The following AGPAT4 variants were observed in gnomAD, a reference collection of about 807,000 sequenced individuals.
The protein encoded by AGPAT4 is 1-acyl-sn-glycerol-3-phosphate acyltransferase delta.
In AGPAT4, 15 loss-of-function variants were observed where a neutral mutation model predicts 48.0. That is an observed-to-expected ratio of 0.31 (90% confidence interval 0.21 to 0.48). The LOEUF (loss-of-function observed/expected upper bound fraction) is 0.48, where lower values mean the gene tolerates loss of function less well. Among genes scored for constraint, AGPAT4 ranks in the 20% least tolerant of loss-of-function variants. The probability of loss-of-function intolerance (pLI) is 0.99; values close to 1 mark genes in which losing one functional copy is unlikely to be tolerated. For missense variants in AGPAT4, 314 were observed against 482.5 expected, an observed-to-expected ratio of 0.65 and a Z score of 3.27; for synonymous variants, 178 against 198.7, an observed-to-expected ratio of 0.90 and a Z score of 0.88.
rs944761157 is a variant in AGPAT4, at chr6:161,217,174, G to C, written c.178+14862C>G. Reference sequence around the variant, plus strand: ...GGAGGGGCGGAGTGAGCACAGGCGTGGGGACGCGAAAGGACAGGGGAACAC... The same window carrying C: ...GGAGGGGCGGAGTGAGCACAGGCGTCGGGACGCGAAAGGACAGGGGAACAC... On this transcript the variant is annotated intron_variant, in intron 2 of 8. Transcript: ENST00000320285. This position sits in a 1 kb window ranked among gnomAD's most constrained non-coding sequence, Gnocchi z 4.9. 1.3e-5 allele frequency among the ~76,000 whole-genome samples: 2 copies of C among 152,178 alleles called. No individual in the cohort carries two copies. The highest frequency in any genetic ancestry group is 2.9e-5 in the Non-Finnish European group (2 of 68,034).
rs1243299106 is a variant in AGPAT4, at chr6:161,168,347, T to C, written c.179-1930A>G. 1.3e-5 allele frequency among the ~76,000 whole-genome samples: 2 copies of C among 152,096 alleles called. 1 individual carries two copies. On this transcript the variant is annotated intron_variant, in intron 2 of 8. Transcript: ENST00000320285. Reference sequence around the variant, plus strand: ...CAGGGAGTCAGGGAGACAAAGCTGATGCTTCCAAGAGACTCACATTTCGTT... The same window carrying C: ...CAGGGAGTCAGGGAGACAAAGCTGACGCTTCCAAGAGACTCACATTTCGTT...
chr6:161,174,221 A>G (rs1780362267), intron 2 of AGPAT4, among the ~76,000 whole-genome samples: 3 of 152,290 alleles, frequency 2.0e-5, no homozygotes, highest in African/African-American at 7.2e-5. Context: ...CATTGAATCT[A>G]TAAATTACCT....
rs535611446 is a variant in AGPAT4, at chr6:161,180,456, C to T, written c.179-14039G>A. Among the ~76,000 whole-genome samples the T allele has an allele frequency of 6.6e-6, 1 of 152,300 alleles. No individual in the cohort carries two copies. The highest frequency in any genetic ancestry group is 2.4e-5 in the African/African-American group (1 of 41,568). On this transcript the variant is annotated intron_variant, in intron 2 of 8. Transcript: ENST00000320285. The surrounding 1 kb of genome is among the most constrained non-coding windows in gnomAD (Gnocchi z 6.4). Reference sequence around the variant, plus strand: ...AACCTCCCACAGCTGCAGATATGGGCACCATGTTACGTGGGGAAATGGCCT... The same window carrying T: ...AACCTCCCACAGCTGCAGATATGGGTACCATGTTACGTGGGGAAATGGCCT...
chr6:161,250,133 C>T (rs1782767250), intron 1 of AGPAT4, among the ~76,000 whole-genome samples: 2 of 152,188 alleles, frequency 1.3e-5, no homozygotes, highest in South Asian at 4.1e-4. Flanking sequence ...CAAGTGGGAA[C>T]TAAATGATGA....
chr6:161,130,841 C>A lies in AGPAT4; in HGVS notation c.*5699G>T, dbSNP rs533535203. 1.9e-6 allele frequency: 1 copy of A among 519,038 alleles called. No homozygotes were observed. The highest frequency in any genetic ancestry group is 1.4e-5 in the South Asian group (1 of 71,586). The allele number at this position is 519,038 out of a possible 1,614,324, so 32.2% of individuals were successfully genotyped here. ...CTTTACAAGTCTGAGCCATCCCGTA[C>A]TAGTTCATCAACTTTCCTTCCTCAT... On this transcript the variant is annotated 3_prime_UTR_variant, in exon 9 of 9. Transcript: ENST00000320285.
rs370375430 is a variant in AGPAT4, at chr6:161,166,356, G to A, written c.240C>T (p.Arg80=). Residue 80 remains arginine (R), a synonymous_variant, in exon 3 of 9, where the codon CGC becomes CGT. Transcript: ENST00000320285. This position sits in a 1 kb window ranked among gnomAD's most constrained non-coding sequence, Gnocchi z 6.7. ...TTTCCTTCCCATACTTGAGGTAGGC[G>A]CGCGGGTCCGTGAAGATGGTGCATT... ...GTECTIFTDP[R]AYLKYGKENA... 8.2e-5 allele frequency: 133 copies of A among 1,614,076 alleles called. No individual in the cohort carries two copies. Among genetic ancestry groups the A allele is most frequent in the South Asian group, 1.5e-4 (14 of 91,064 alleles).
At chr6:161,173,560 G>A (rs1333171790) in intron 2 of AGPAT4, among the ~76,000 whole-genome samples, 1 of 152,180 alleles carries the variant, frequency 6.6e-6, no homozygotes, top group Non-Finnish European at 1.5e-5. Flanking sequence ...TGTCAGATGG[G>A]TAGATTGTAA....
rs1386424786 is a variant in AGPAT4, at chr6:161,223,941, T to C, written c.178+8095A>G. 2.0e-5 allele frequency among the ~76,000 whole-genome samples: 3 copies of C among 152,210 alleles called. No homozygotes were observed. The highest frequency in any genetic ancestry group is 6.5e-5 in the Admixed American group (1 of 15,288). ...TAAATACTAGCTGGCTAAAAGTTCA[T>C]AGAATAAAAAGGCAGAATCAGGAAG... On this transcript the variant is annotated intron_variant, in intron 2 of 8. Coordinates refer to ENST00000320285, the MANE Select transcript of AGPAT4 (RefSeq NM_020133.3). This position sits in a 1 kb window ranked among gnomAD's most constrained non-coding sequence, Gnocchi z 6.3.
Position 161,234,207 on chromosome 6 carries a change from AC to A in AGPAT4, c.-89-1906del, listed in dbSNP as rs1782204314. On this transcript the variant is annotated intron_variant, in intron 1 of 8. Transcript: ENST00000320285. This position sits in a 1 kb window ranked among gnomAD's most constrained non-coding sequence, Gnocchi z 4.4. ...GATGGTTTCGGGCATATGGAGAGTC[AC>A]AGGGAGGCATGTTTGCACTTACTGG... Among the ~76,000 whole-genome samples, 1 of 152,194 alleles carries A rather than the reference AC, an allele frequency of 6.6e-6. No individual in the cohort carries two copies. Among genetic ancestry groups the A allele is most frequent in the Non-Finnish European group, 1.5e-5 (1 of 68,022 alleles).
rs10585542 is a variant in AGPAT4 at position 161,203,381 on chromosome 6, CTTTTTTTTTTTTTTT to C, written c.178+28640_178+28654del. Among the ~76,000 whole-genome samples, 22 of 110,796 alleles carry C rather than the reference CTTTTTTTTTTTTTTT, an allele frequency of 2.0e-4. 1 individual carries two copies. The highest frequency in any genetic ancestry group is 1.1e-4 in the Non-Finnish European group (6 of 53,356). The allele number at this position is 110,796 out of a possible 152,430, so 72.7% of individuals were successfully genotyped here. On this transcript the variant is annotated intron_variant, in intron 2 of 8. Coordinates refer to ENST00000320285, the MANE Select transcript of AGPAT4 (RefSeq NM_020133.3). ...TTGTGGGAGAGTGTTCTTTTTCTTT[CTTTTTTTTTTTTTTT>C]TTTTTTTTTGAGACAGAGTTTCACT...
chr6:161,201,473 A>C lies in AGPAT4; in HGVS notation c.178+30563T>G, dbSNP rs1217856002. Among the ~76,000 whole-genome samples the C allele has an allele frequency of 1.3e-5, 2 of 152,178 alleles. No individual in the cohort carries two copies. Among genetic ancestry groups the C allele is most frequent in the African/African-American group, 4.8e-5 (2 of 41,434 alleles). On this transcript the variant is annotated intron_variant, in intron 2 of 8. Transcript: ENST00000320285. This position sits in a 1 kb window ranked among gnomAD's most constrained non-coding sequence, Gnocchi z 6.0. ...AGGAGAAATGGTTTTCTGTTCTTTA[A>C]TTAGTTACTTCTGGTTTTCAAGGCT...
Position 161,130,901 on chromosome 6 carries a change from A to T in AGPAT4, c.*5639T>A, listed in dbSNP as rs1467197518. The T allele has an allele frequency of 1.9e-6, 1 of 519,032 alleles. No individual in the cohort carries two copies. The highest frequency in any genetic ancestry group is 1.4e-5 in the South Asian group (1 of 71,594). 32.2% of individuals were successfully genotyped at this position (519,032 alleles called of 1,614,324 possible). ...AGATACAGAGAGAATGGCATTCCAA[A>T]ATTCCATGGATGACTTTTCTGAATG... On this transcript the variant is annotated 3_prime_UTR_variant, in exon 9 of 9. Coordinates refer to ENST00000320285, the MANE Select transcript of AGPAT4 (RefSeq NM_020133.3).
rs1340359945 is a variant in AGPAT4 at position 161,212,720 on chromosome 6, G to A, written c.178+19316C>T. 1.3e-5 allele frequency among the ~76,000 whole-genome samples: 2 copies of A among 152,066 alleles called. No individual in the cohort carries two copies. Among genetic ancestry groups the A allele is most frequent in the Admixed American group, 6.6e-5 (1 of 15,262 alleles). Reference sequence around the variant, plus strand: ...CCTTGTCAATTGTGTCTTTCACTATGGCTACCCTAATACATTTTGTCATCC... The same window carrying A: ...CCTTGTCAATTGTGTCTTTCACTATAGCTACCCTAATACATTTTGTCATCC... On this transcript the variant is annotated intron_variant, in intron 2 of 8. Transcript: ENST00000320285. This position sits in a 1 kb window ranked among gnomAD's most constrained non-coding sequence, Gnocchi z 6.1.
rs2114954144 is a variant in AGPAT4 at position 161,142,272 on chromosome 6, G to A, written c.844-2652C>T. Among the ~76,000 whole-genome samples the A allele has an allele frequency of 6.6e-6, 1 of 152,312 alleles. No individual in the cohort carries two copies. The highest frequency in any genetic ancestry group is 2.4e-5 in the African/African-American group (1 of 41,570). ...CCCACTGACTATCGGGGAGAGAACA[G>A]CACCGCCAGCTCTGGCCAGACTCCA... On this transcript the variant is annotated intron_variant, in intron 7 of 8. Transcript: ENST00000320285. The surrounding 1 kb of genome is among the most constrained non-coding windows in gnomAD (Gnocchi z 6.4).
intron 2 of AGPAT4, among the ~76,000 whole-genome samples, chr6:161,230,943 T>G (rs1040186954): frequency 1.3e-5 from 2 of 152,240 alleles, no homozygotes; most frequent in African/African-American, 4.8e-5. Context: ...TCTATGACTT[T>G]TCTTCCTTAC....
At position 161,196,724 on chromosome 6, in the gene AGPAT4, G is replaced by A. The variant is rs559110578; in HGVS notation, c.179-30307C>T. Among the ~76,000 whole-genome samples, 8 of 151,278 alleles carry A rather than the reference G, an allele frequency of 5.3e-5. No homozygotes were observed. In the South Asian group the frequency reaches 1.3e-3, roughly 24 times the overall value. Reference sequence around the variant, plus strand: ...CTTGGGAGGCTGAGGCAGGAGAATCGCTTGAACCTGGGAGGCGGAGATTGC... The same window carrying A: ...CTTGGGAGGCTGAGGCAGGAGAATCACTTGAACCTGGGAGGCGGAGATTGC... On this transcript the variant is annotated intron_variant, in intron 2 of 8. Coordinates refer to ENST00000320285, the MANE Select transcript of AGPAT4 (RefSeq NM_020133.3). This position sits in a 1 kb window ranked among gnomAD's most constrained non-coding sequence, Gnocchi z 4.3.
chr6:161,204,791 G>A lies in AGPAT4; in HGVS notation c.178+27245C>T, dbSNP rs79119985. ...AAGAGGCAGGAGCTTTTTCCCCAGA[G>A]TGAAACACATATTTTCAGTGAAGTT... On this transcript the variant is annotated intron_variant, in intron 2 of 8. Transcript: ENST00000320285. This position sits in a 1 kb window ranked among gnomAD's most constrained non-coding sequence, Gnocchi z 4.4. Among the ~76,000 whole-genome samples, 1,297 of 152,198 alleles carry A rather than the reference G, an allele frequency of 8.5e-3. 21 individuals are homozygous for A. Among genetic ancestry groups the A allele is most frequent in the African/African-American group, 0.03 (1,244 of 41,506 alleles).
At chr6:161,230,571 T>C (rs1333746361) in intron 2 of AGPAT4, among the ~76,000 whole-genome samples, 1 of 152,244 alleles carries the variant, frequency 6.6e-6, no homozygotes, top group Non-Finnish European at 1.5e-5. Flanking sequence ...CTACAGTTCC[T>C]GTCCAAATCA....
In AGPAT4 at chr6:161,184,737, T is replaced by A. The variant is rs1472705938; in HGVS notation, c.179-18320A>T. On this transcript the variant is annotated intron_variant, in intron 2 of 8. Coordinates refer to ENST00000320285, the MANE Select transcript of AGPAT4 (RefSeq NM_020133.3). This position sits in a 1 kb window ranked among gnomAD's most constrained non-coding sequence, Gnocchi z 4.8. ...GCCAGGTTTCCACCCATCTGGGCACTTGGCAAGACTAGAAATCTGACTACA... is the reference window on the plus strand; with the variant it reads ...GCCAGGTTTCCACCCATCTGGGCACATGGCAAGACTAGAAATCTGACTACA... Among the ~76,000 whole-genome samples the A allele has an allele frequency of 6.6e-6, 1 of 152,160 alleles. No homozygotes were observed. The highest frequency in any genetic ancestry group is 1.5e-5 in the Non-Finnish European group (1 of 68,020).
Sources: allele counts gnomAD v4.1 joint callset (sites outside exome capture counted in the v4.1 genomes callset), GRCh38; gene constraint gnomAD v4.1.1; non-coding constraint Gnocchi (gnomAD v3.1); transcripts MANE v1.5; gene names NCBI Gene and HGNC (gene_info 2026-07-23, HGNC 2026-07-21).